The following CDH12 variants were observed in gnomAD, a reference collection of about 807,000 sequenced individuals.
CDH12 encodes the protein cadherin 12, also known as cadherin-12.
In CDH12, 41 loss-of-function variants were observed where a neutral mutation model predicts 74.1. The ratio of observed to expected loss-of-function variants is 0.55; its 90% CI spans 0.43 to 0.72. The LOEUF is 0.72. Among genes scored for constraint, CDH12 ranks in the 30% least tolerant of loss-of-function variants. The pLI is 0.00. For synonymous variants in CDH12, 399 were observed against 355.0 expected (o/e 1.12, Z -1.39); for missense variants, 945 against 977.2 (o/e 0.97, Z 0.44).
chr5:22,660,808 A>C (rs1740308945), intron 1 of CDH12, among the ~76,000 whole-genome samples: 2 of 152,194 alleles, frequency 1.3e-5, no homozygotes, highest in African/African-American at 4.8e-5. Context: ...GATATTTTTT[A>C]ATTGTGAGTT....
At chr5:22,440,281 G>T (rs1410990798) in intron 2 of CDH12, among the ~76,000 whole-genome samples, 1 of 152,028 alleles carries the variant, frequency 6.6e-6, no homozygotes, top group African/African-American at 2.4e-5. Flanking sequence ...TTTGTTCCTT[G>T]ATGAAAAGTT....
intron 1 of CDH12, among the ~76,000 whole-genome samples, chr5:22,639,563 G>C (rs1193956151): frequency 6.6e-6 from 1 of 151,646 alleles, no homozygotes; most frequent in Non-Finnish European, 1.5e-5. Flanking sequence ...GGAACCAAGA[G>C]GGACCCAGAC....
chr5:22,036,544 G>A lies in CDH12; in HGVS notation c.231+41902C>T, dbSNP rs546543011. On this transcript the variant is annotated intron_variant, in intron 5 of 14. Coordinates refer to ENST00000382254, the MANE Select transcript of CDH12 (RefSeq NM_004061.5). ...TCATTGGGCTCAGTTTGGACTGTGC[G>A]TGTGTGTGTGAGTGTGTGTGTGCAC... Among the ~76,000 whole-genome samples the A allele has an allele frequency of 3.8e-4, 58 of 152,066 alleles. No homozygotes were observed. In the East Asian group the frequency reaches 9.3e-3, roughly 24 times the overall value.
At chr5:21,803,021 G>A (rs1747224232) in intron 9 of CDH12, among the ~76,000 whole-genome samples, 2 of 152,108 alleles carry the variant, frequency 1.3e-5, no homozygotes, top group South Asian at 4.1e-4. Context: ...TATGAGCAAA[G>A]TTAAAACAGC....
At chr5:21,889,790 A>C (rs921578253) in intron 6 of CDH12, 25 of 984,976 alleles carry the variant, frequency 2.5e-5, no homozygotes, top group Non-Finnish European at 2.9e-5. Flanking sequence ...TAAAAGCAAT[A>C]CTACTATTTC....
At chr5:22,283,271 CACACAT>C (rs1455215512) in intron 3 of CDH12, among the ~76,000 whole-genome samples, 9 of 143,112 alleles carry the variant, frequency 6.3e-5, no homozygotes, top group East Asian at 2.0e-4. Flanking sequence ...CACACACACA[CACACAT>C]ATACACACAT....
At chr5:22,784,307 T>A (rs949526074) in intron 1 of CDH12, among the ~76,000 whole-genome samples, 7 of 152,168 alleles carry the variant, frequency 4.6e-5, no homozygotes, top group African/African-American at 1.4e-4. Flanking sequence ...AAGTTTAGTA[T>A]TCTTGATAGA....
rs372924720 is a variant in CDH12, at chr5:22,044,077, G to GA, written c.231+34368dup. Among the ~76,000 whole-genome samples the GA allele has an allele frequency of 6.0e-5, 9 of 151,040 alleles. No homozygotes were observed. In the East Asian group the frequency reaches 1.4e-3, roughly 23 times the overall value. On this transcript the variant is annotated intron_variant, in intron 5 of 14. Coordinates refer to ENST00000382254, the MANE Select transcript of CDH12 (RefSeq NM_004061.5). ...AGCAAAAATATCCTTCAAAGACATAGAAAAAAATCCTAAAAATCACATGGA... is the reference window on the plus strand; with the variant it reads ...AGCAAAAATATCCTTCAAAGACATAGAAAAAAAATCCTAAAAATCACATGGA...
intron 1 of CDH12, among the ~76,000 whole-genome samples, chr5:22,716,253 GC>G (rs1397821985): frequency 6.6e-6 from 1 of 152,110 alleles, no homozygotes; most frequent in East Asian, 1.9e-4. Flanking sequence ...GAGGAGCAGA[GC>G]CTTTACTGGA....
In CDH12 at chr5:21,988,035, G is replaced by A. The variant is rs900439821; in HGVS notation, c.232-12650C>T. Among the ~76,000 whole-genome samples the A allele has an allele frequency of 1.4e-4, 22 of 152,166 alleles. 1 individual carries two copies. Among genetic ancestry groups the A allele is most frequent in the African/African-American group, 5.1e-4 (21 of 41,516 alleles). On this transcript the variant is annotated intron_variant, in intron 5 of 14. Coordinates refer to ENST00000382254, the MANE Select transcript of CDH12 (RefSeq NM_004061.5). ...GGGAATAGATCCAAAATTGATATCT[G>A]CCTCACCTGTATCACCTATTGTATT...
At chr5:22,850,184 A>G (rs1297499246) in intron 1 of CDH12, among the ~76,000 whole-genome samples, 1 of 152,128 alleles carries the variant, frequency 6.6e-6, no homozygotes, top group Non-Finnish European at 1.5e-5. Flanking sequence ...TTTATTAATC[A>G]TCTTATGATG....
intron 1 of CDH12, among the ~76,000 whole-genome samples, chr5:22,591,809 G>A (rs1279774829): frequency 1.3e-5 from 2 of 152,010 alleles, no homozygotes; most frequent in African/African-American, 4.8e-5. Flanking sequence ...CATCACCCAG[G>A]ATATACAGTT....
intron 1 of CDH12, among the ~76,000 whole-genome samples, chr5:22,736,641 T>TA (rs1744744718): frequency 1.3e-5 from 2 of 151,832 alleles, no homozygotes; most frequent in Non-Finnish European, 2.9e-5. Context: ...TGTTATAGTT[T>TA]AGTCAGCATT....
At chr5:21,963,093 CGATA>C (rs199706779) in intron 6 of CDH12, among the ~76,000 whole-genome samples, 2,749 of 150,950 alleles carry the variant, frequency 0.018, 38 homozygotes, top group African/African-American at 0.036. Flanking sequence ...TTACAAATAT[CGATA>C]GATAGATAGA....
intron 2 of CDH12, among the ~76,000 whole-genome samples, chr5:22,438,551 A>C (rs959279651): frequency 1.3e-5 from 2 of 152,054 alleles, no homozygotes; most frequent in African/African-American, 4.8e-5. Context: ...CATTTGGCAC[A>C]TATGCTACTC....
intron 1 of CDH12, among the ~76,000 whole-genome samples, chr5:22,794,404 G>T (rs1361681799): frequency 2.0e-5 from 3 of 152,124 alleles, no homozygotes; most frequent in Non-Finnish European, 2.9e-5. Context: ...CTGCACACTG[G>T]TTAATGTGCT....
intron 2 of CDH12, among the ~76,000 whole-genome samples, chr5:22,429,806 G>A (rs1057371264): frequency 6.6e-6 from 1 of 152,194 alleles, no homozygotes; most frequent in Non-Finnish European, 1.5e-5. Flanking sequence ...GACAAATTTG[G>A]AAGTTGCTAG....
chr5:22,555,314 GATAA>G (rs1418830817), intron 1 of CDH12, among the ~76,000 whole-genome samples: 1 of 151,918 alleles, frequency 6.6e-6, no homozygotes, highest in Non-Finnish European at 1.5e-5. Context: ...AATAATCAAA[GATAA>G]ATAAACTCAA....
At chr5:22,126,001 G>GC (rs890513616) in intron 4 of CDH12, among the ~76,000 whole-genome samples, 35 of 28,466 alleles carry the variant, frequency 1.2e-3, no homozygotes, top group South Asian at 1.5e-3. Context: ...CATTCATTTT[G>GC]GGGGGGGGAC....
Sources: allele counts gnomAD v4.1 joint callset (sites outside exome capture counted in the v4.1 genomes callset), GRCh38; gene constraint gnomAD v4.1.1; transcripts MANE v1.5; gene names NCBI Gene and HGNC (gene_info 2026-07-23, HGNC 2026-07-21).